Variants in ARMC8 observed in about 807,000 individuals in gnomAD.
ARMC8 encodes armadillo repeat containing 8.
In ARMC8, 20 loss-of-function variants were observed where a neutral mutation model predicts 99.3. That is an observed-to-expected ratio of 0.20 (90% CI 0.14 to 0.29). ARMC8 has a LOEUF of 0.29. Ranked by LOEUF, ARMC8 falls within the 10% of genes least tolerant of loss-of-function variation. ARMC8 has a pLI of 1.00. For missense variants in ARMC8, 569 were observed against 809.5 expected (o/e 0.70, Z 3.60); for synonymous variants, 263 against 278.3 (o/e 0.95, Z 0.55).
intron 10 of ARMC8, among the ~76,000 whole-genome samples, chr3:138,241,130 C>T (rs868173355): frequency 2.6e-5 from 4 of 152,282 alleles, no homozygotes; most frequent in South Asian, 2.1e-4. Flanking sequence ...AAACCATTGC[C>T]AAGATTTTTG....
rs954738493 is a variant in ARMC8, at chr3:138,187,321, C to G, written c.-234C>G. 1 of 484,444 alleles carries G rather than the reference C, an allele frequency of 2.1e-6. No individual in the cohort carries two copies. Among genetic ancestry groups the G allele is most frequent in the Non-Finnish European group, 3.7e-6 (1 of 271,020 alleles). 30.0% of individuals were successfully genotyped at this position (484,444 alleles called of 1,614,324 possible). A position where few individuals can be genotyped will look rare whatever the true frequency, so the allele number is the denominator to read the frequency against. On this transcript the variant is annotated 5_prime_UTR_variant, in exon 1 of 22. Transcript: ENST00000469044. ...TGCCCGCTTCCACCTCTAACCCAGG[C>G]TCAGAGTAGCTGCTGTTTCTGAGAG...
At chr3:138,233,045 A>C (rs1354516494) in intron 6 of ARMC8, among the ~76,000 whole-genome samples, 1 of 152,044 alleles carries the variant, frequency 6.6e-6, no homozygotes, top group African/African-American at 2.4e-5. Context: ...AAAGGGTCGA[A>C]TCCTTACGAG....
At chr3:138,272,718 T>C (rs2048908860) in intron 16 of ARMC8, among the ~76,000 whole-genome samples, 1 of 151,912 alleles carries the variant, frequency 6.6e-6, no homozygotes, top group African/African-American at 2.4e-5. Context: ...CTACTAAAGA[T>C]ACAAAAATTA....
intron 1 of ARMC8, among the ~76,000 whole-genome samples, chr3:138,200,731 A>G (rs1325902050): frequency 6.6e-6 from 1 of 151,958 alleles, no homozygotes; most frequent in African/African-American, 2.4e-5. Context: ...CTCCACTTCC[A>G]TCTCCCCTCC....
chr3:138,260,526 G>C lies in ARMC8; in HGVS notation c.1135-3213G>C, dbSNP rs370485671. Among the ~76,000 whole-genome samples, 6 of 152,082 alleles carry C rather than the reference G, an allele frequency of 3.9e-5. No homozygotes were observed. In the East Asian group the frequency reaches 1.2e-3, roughly 29 times the overall value. On this transcript the variant is annotated intron_variant, in intron 12 of 21. Transcript: ENST00000469044. Reference sequence around the variant, plus strand: ...CAGGTTCTTTCATATCAGCCTTCCAGACTTTGGGAAGAGGCTACCGTCTGG... The same window carrying C: ...CAGGTTCTTTCATATCAGCCTTCCACACTTTGGGAAGAGGCTACCGTCTGG...
At chr3:138,201,436 C>CTTTTTTTTTTTTTTTTTTTTTT (rs58707271) in intron 1 of ARMC8, among the ~76,000 whole-genome samples, 2 of 64,996 alleles carry the variant, frequency 3.1e-5, no homozygotes, top group Non-Finnish European at 6.8e-5. Context: ...CTTCCCCTCC[C>CTTTTTTTTTTTTTTTTTTTTTT]TTTTTTTTTT....
rs562971139 is a variant in ARMC8 at position 138,197,815 on chromosome 3, T to C, written c.45+10216T>C. ...TCCGTTTAAGCATTCTCATCTACAG[T>C]GAAGAGTAAATGAATTGAATTTAAT... is the stretch of plus-strand genomic sequence containing the variant. On this transcript the variant is annotated intron_variant, in intron 1 of 21. Coordinates refer to ENST00000469044, the MANE Select transcript of ARMC8 (RefSeq NM_001363941.2). Among the ~76,000 whole-genome samples, 5 of 152,282 alleles carry C rather than the reference T, an allele frequency of 3.3e-5. No individual in the cohort carries two copies. The East Asian group carries it at 9.6e-4, about 29-fold the overall frequency.
intron 17 of ARMC8, 36 bp downstream of exon 17, chr3:138,273,152 C>A: frequency 6.3e-7 from 1 of 1,590,240 alleles, no homozygotes; most frequent in Non-Finnish European, 8.6e-7. Context: ...AATTAGCTAG[C>A]CCTGCATATG....
chr3:138,206,720 G>A (rs13314286), intron 1 of ARMC8, among the ~76,000 whole-genome samples: 46,386 of 152,052 alleles, frequency 0.31, 9,041 homozygotes, highest in East Asian at 0.73. Context: ...GGGGAGAGGT[G>A]ACCTGATCTA....
intron 12 of ARMC8, among the ~76,000 whole-genome samples, chr3:138,258,598 C>G (rs2047515682): frequency 6.6e-6 from 1 of 152,212 alleles, no homozygotes; most frequent in Non-Finnish European, 1.5e-5. Flanking sequence ...CTCTTTCCCA[C>G]TGGTCATAAA....
chr3:138,243,648 T>C (rs144015409), intron 11 of ARMC8, among the ~76,000 whole-genome samples: 56 of 152,242 alleles, frequency 3.7e-4, no homozygotes, highest in African/African-American at 1.3e-3. Context: ...TATATATATG[T>C]AAAATATATA....
chr3:138,228,580 G>A (rs115749863), intron 5 of ARMC8: 250 of 413,860 alleles, frequency 6.0e-4, no homozygotes, highest in African/African-American at 4.6e-3. Flanking sequence ...AGTGCATAAC[G>A]TACTAGTTAC....
At chr3:138,193,885 C>T (rs2043539306) in intron 1 of ARMC8, among the ~76,000 whole-genome samples, 1 of 152,004 alleles carries the variant, frequency 6.6e-6, no homozygotes, top group Non-Finnish European at 1.5e-5. Flanking sequence ...TGTGAAAGAC[C>T]CTGTTAAAAG....
chr3:138,194,211 T>G (rs1187714312), intron 1 of ARMC8, among the ~76,000 whole-genome samples: 1 of 149,624 alleles, frequency 6.7e-6, no homozygotes, highest in Non-Finnish European at 1.5e-5. Context: ...CCCGGCTAAT[T>G]TTTTGTATTT....
At chr3:138,188,429 C>A in intron 1 of ARMC8, 1 of 1,547,210 alleles carries the variant, frequency 6.5e-7, no homozygotes. Flanking sequence ...CGACTTTCAC[C>A]TTTCACTATG....
At chr3:138,250,579 A>C (rs1307369622) in intron 12 of ARMC8, among the ~76,000 whole-genome samples, 1 of 152,174 alleles carries the variant, frequency 6.6e-6, no homozygotes, top group Non-Finnish European at 1.5e-5. Flanking sequence ...ATGCCCTCCA[A>C]AGTGTATTAA....
intron 19 of ARMC8, chr3:138,287,647 C>T (rs951745166): frequency 1.5e-5 from 7 of 456,552 alleles, no homozygotes; most frequent in Non-Finnish European, 3.1e-5. Flanking sequence ...CCAAACTGGA[C>T]ATCTCCTTAA....
intron 12 of ARMC8, chr3:138,263,439 T>G (rs1051347594): frequency 6.5e-6 from 2 of 305,472 alleles, no homozygotes. Flanking sequence ...TTTCTCAAGA[T>G]TATTTACATA....
intron 1 of ARMC8, among the ~76,000 whole-genome samples, chr3:138,202,470 G>C (rs2044137723): frequency 6.6e-6 from 1 of 152,096 alleles, no homozygotes; most frequent in Non-Finnish European, 1.5e-5. Context: ...AGGACTATTA[G>C]TACCCTTGTC....
Sources: allele counts gnomAD v4.1 joint callset (sites outside exome capture counted in the v4.1 genomes callset), GRCh38; gene constraint gnomAD v4.1.1; transcripts MANE v1.5; gene names NCBI Gene and HGNC (gene_info 2026-07-23, HGNC 2026-07-21).